The following UPF2 variants were observed in gnomAD, a reference collection of about 807,000 sequenced individuals.
UPF2 encodes the protein UPF2 regulator of nonsense mediated mRNA decay.
A neutral mutation model predicts 141.4 loss-of-function variants in UPF2; 17 were observed. The observed-to-expected ratio is 0.12, with a 90% CI of 0.08 to 0.18. UPF2 has a LOEUF of 0.18. UPF2 is among the 10% of genes least tolerant of loss of function. The pLI is 1.00. For synonymous variants in UPF2, 540 were observed against 498.0 expected (o/e 1.08, Z -1.12); for missense variants, 1,152 against 1,515.9 (o/e 0.76, Z 3.99).
chr10:11,929,813 T>C (rs1353074609), intron 21 of UPF2, 52 bp downstream of exon 21: 6 of 1,595,256 alleles, frequency 3.8e-6, no homozygotes, highest in Non-Finnish European at 5.1e-6. Context: ...TAATTTATTC[T>C]TATGGACATC....
intron 5 of UPF2, among the ~76,000 whole-genome samples, chr10:12,002,617 T>C (rs1833971700): frequency 6.6e-6 from 1 of 152,108 alleles, no homozygotes; most frequent in South Asian, 2.1e-4. Flanking sequence ...GAAAGACCAA[T>C]TAGGAAAATA....
chr10:12,025,355 G>A (rs572075265), intron 3 of UPF2, among the ~76,000 whole-genome samples: 7 of 152,080 alleles, frequency 4.6e-5, no homozygotes, highest in East Asian at 3.9e-4. Flanking sequence ...GTTTGAGACC[G>A]GCATGGCCAA....
At chr10:12,032,197 G>A (rs1007303539) in intron 2 of UPF2, among the ~76,000 whole-genome samples, 47 of 152,020 alleles carry the variant, frequency 3.1e-4, no homozygotes, top group Non-Finnish European at 5.3e-4. Context: ...GGGAGGCTGA[G>A]GCAGGAGAAT....
intron 2 of UPF2, among the ~76,000 whole-genome samples, chr10:12,033,551 C>G (rs748896725): frequency 6.6e-6 from 1 of 151,936 alleles, no homozygotes; most frequent in Non-Finnish European, 1.5e-5. Flanking sequence ...AGGCACTGTA[C>G]AAAATATATT....
At chr10:12,008,736 T>C (rs747432861) in intron 4 of UPF2, among the ~76,000 whole-genome samples, 39 of 151,970 alleles carry the variant, frequency 2.6e-4, no homozygotes, top group Non-Finnish European at 5.3e-4. Flanking sequence ...GCAGGTGTGT[T>C]ACATAGGTAT....
At chr10:11,927,187 C>G (rs1832724076) in intron 21 of UPF2, among the ~76,000 whole-genome samples, 1 of 152,210 alleles carries the variant, frequency 6.6e-6, no homozygotes, top group African/African-American at 2.4e-5. Context: ...GCAAATCCTA[C>G]TGGATGCCCC....
At chr10:12,015,536 T>C (rs1337180397) in intron 3 of UPF2, among the ~76,000 whole-genome samples, 1 of 152,134 alleles carries the variant, frequency 6.6e-6, no homozygotes, top group East Asian at 1.9e-4. Flanking sequence ...ACCTCGTCTC[T>C]ACTAAAAATA....
In UPF2 at chr10:12,028,422, G is replaced by A. The variant is rs77392784; in HGVS notation, c.1145+323C>T. On this transcript the variant is annotated intron_variant, in intron 3 of 21. Transcript: ENST00000357604. ...TAAAGCACACAGAAAAATATTAGCA[G>A]GTAAGTTTAAGTGACAGAAAAGGAA... Among the ~76,000 whole-genome samples, 33 of 152,114 alleles carry A rather than the reference G, an allele frequency of 2.2e-4. No individual in the cohort carries two copies. In the East Asian group the frequency reaches 6.4e-3, roughly 29 times the overall value.
intron 10 of UPF2, 83 bp downstream of exon 10, chr10:11,967,258 T>C: frequency 1.2e-6 from 1 of 811,598 alleles, no homozygotes; most frequent in Non-Finnish European, 1.8e-6. Flanking sequence ...TAATCAAATA[T>C]TAAATTATTT....
intron 4 of UPF2, among the ~76,000 whole-genome samples, chr10:12,010,482 C>T (rs769953535): frequency 5.9e-5 from 9 of 151,670 alleles, no homozygotes; most frequent in Non-Finnish European, 1.2e-4. Flanking sequence ...TATTAGACAC[C>T]GTAGAAGAAA....
chr10:11,964,665 T>C (rs1169532327), intron 10 of UPF2, among the ~76,000 whole-genome samples: 3 of 152,206 alleles, frequency 2.0e-5, no homozygotes, highest in Admixed American at 2.0e-4. Flanking sequence ...TGTGTCCTTT[T>C]TTGTCCTTCT....
chr10:11,991,729 G>C (rs1008482908), intron 8 of UPF2, among the ~76,000 whole-genome samples: 3 of 152,204 alleles, frequency 2.0e-5, no homozygotes, highest in Non-Finnish European at 4.4e-5. Context: ...TAAAAGGTAT[G>C]AGCTGTGGAT....
rs373300907 is a variant in UPF2 at position 12,036,574 on chromosome 10, G to A, written c.-18-1133C>T. On this transcript the variant is annotated intron_variant, in intron 1 of 21. Transcript: ENST00000357604. ...CTATAGTACAGGCTTATAGTTAACT[G>A]AAAGTAACTGTGGAACAAAAAACTA... Among the ~76,000 whole-genome samples the A allele has an allele frequency of 3.3e-4, 50 of 152,292 alleles. No individual in the cohort carries two copies. In the East Asian group the frequency reaches 4.2e-3, roughly 13 times the overall value.
At chr10:11,937,464 G>A (rs946775638) in intron 18 of UPF2, among the ~76,000 whole-genome samples, 2 of 152,180 alleles carry the variant, frequency 1.3e-5, no homozygotes, top group African/African-American at 4.8e-5. Flanking sequence ...TGCCCTTCAC[G>A]AAAGGCTGAA....
chr10:11,988,442 G>C (rs1833729636), intron 8 of UPF2, among the ~76,000 whole-genome samples: 1 of 152,216 alleles, frequency 6.6e-6, no homozygotes, highest in South Asian at 2.1e-4. Flanking sequence ...CTCCCAAGTA[G>C]ATGGAACTAC....
chr10:11,959,152 A>G lies in UPF2; in HGVS notation c.2370+19T>C, dbSNP rs762744328. The G allele has an allele frequency of 1.9e-6, 3 of 1,560,372 alleles. No individual in the cohort carries two copies. Among genetic ancestry groups the G allele is most frequent in the African/African-American group, 2.8e-5 (2 of 72,440 alleles). On this transcript the variant is annotated intron_variant, in intron 12 of 21. Transcript: ENST00000357604. The surrounding 1 kb of genome is among the most constrained non-coding windows in gnomAD (Gnocchi z 5.9). ...AAATCTCACGTTAACTATTAACTGCATGATTTCATAAGATTTACCTTCTCG... is the reference window on the plus strand; with the variant it reads ...AAATCTCACGTTAACTATTAACTGCGTGATTTCATAAGATTTACCTTCTCG...
chr10:11,946,283 C>T (rs1564340323), intron 16 of UPF2, among the ~76,000 whole-genome samples: 1 of 152,142 alleles, frequency 6.6e-6, no homozygotes, highest in Non-Finnish European at 1.5e-5. Flanking sequence ...GGAAACACAG[C>T]CTTATGGATT....
chr10:11,938,873 T>TTTTTTTGTTTTG (rs1564337906), intron 18 of UPF2, among the ~76,000 whole-genome samples: 1 of 108,502 alleles, frequency 9.2e-6, no homozygotes, highest in Non-Finnish European at 1.9e-5. Context: ...TTTTTTTTTT[T>TTTTTTTGTTTTG]TTTTTTTTTG....
At chr10:12,024,830 G>T (rs912573305) in intron 3 of UPF2, among the ~76,000 whole-genome samples, 2 of 148,270 alleles carry the variant, frequency 1.3e-5, no homozygotes, top group African/African-American at 2.5e-5. Flanking sequence ...CTACTTGACA[G>T]CCTGAGGTGG....
Sources: allele counts gnomAD v4.1 joint callset (sites outside exome capture counted in the v4.1 genomes callset), GRCh38; gene constraint gnomAD v4.1.1; non-coding constraint Gnocchi (gnomAD v3.1); transcripts MANE v1.5; gene names NCBI Gene and HGNC (gene_info 2026-07-23, HGNC 2026-07-21).